HELB: variants seen among roughly 807,000 people sequenced by gnomAD.
The protein encoded by HELB is DNA 5'-3' helicase B.
Under a neutral mutation model 101.7 loss-of-function variants are expected in HELB, and 96 were observed. The observed-to-expected ratio is 0.94, with a 90% confidence interval of 0.80 to 1.12. The LOEUF (loss-of-function observed/expected upper bound fraction) is 1.12, where lower values mean the gene tolerates loss of function less well. Ranked by LOEUF, HELB falls within the 50% of genes most tolerant of loss-of-function variation. HELB has a pLI of 0.00. For missense variants in HELB, 1,210 were observed against 1,291.9 expected (o/e 0.94, Z 0.97); for synonymous variants, 437 against 459.7 (o/e 0.95, Z 0.63).
chr12:66,302,912 C>T, intron 1 of HELB, 122 bp downstream of exon 1: 3 of 742,500 alleles, frequency 4.0e-6, no homozygotes, highest in East Asian at 2.7e-5. Flanking sequence ...AGTGGTCTAG[C>T]TGCTTCATCC....
Position 66,309,811 on chromosome 12 carries a change from TTAA to T in HELB, c.888_890del (p.Ile296del). ...GATGACTGATTTGGAGAAGAATGCA[TTAA>T]TAATGTATTCCAGACTGAAGCAGAT... On this transcript the variant is annotated inframe_deletion, in exon 4 of 13. Coordinates refer to ENST00000247815, the MANE Select transcript of HELB (RefSeq NM_001370285.1). 2 of 1,614,072 alleles carry T rather than the reference TTAA, an allele frequency of 1.2e-6. No homozygotes were observed. Among genetic ancestry groups the T allele is most frequent in the South Asian group, 1.1e-5 (1 of 91,086 alleles).
chr12:66,333,328 G>A (rs1052998734), intron 12 of HELB, among the ~76,000 whole-genome samples: 1 of 152,150 alleles, frequency 6.6e-6, no homozygotes, highest in Admixed American at 6.5e-5. Context: ...CCAAGGAGCA[G>A]CATGGGGGCC....
chr12:66,325,114 T>C lies in HELB; in HGVS notation c.2658T>C (p.Ile886=). 1 of 1,604,036 alleles carries C rather than the reference T, an allele frequency of 6.2e-7. No homozygotes were observed. Among genetic ancestry groups the C allele is most frequent in the South Asian group, 1.1e-5 (1 of 90,402 alleles). The change falls in exon 11 of 13, where the codon ATT becomes ATC. Residue 886 remains isoleucine, a synonymous_variant. Transcript: ENST00000247815. ...CRIKHAWART[I]HTFQGSEEQT... is the part of the protein sequence containing the mutation. ...TAAAACATGCATGGGCAAGAACTAT[T>C]CACACTTTTCAGGTAAGAGGAGACT... is the stretch of plus-strand genomic sequence containing the variant.
At chr12:66,336,907 G>T (rs1211390832) in intron 12 of HELB, among the ~76,000 whole-genome samples, 1 of 152,198 alleles carries the variant, frequency 6.6e-6, no homozygotes, top group Non-Finnish European at 1.5e-5. Flanking sequence ...AGGTTTAGTG[G>T]ATGATGATGG....
At chr12:66,306,293 C>G in intron 2 of HELB, 52 bp from the exon 3 acceptor site, 1 of 1,342,034 alleles carries the variant, frequency 7.5e-7, no homozygotes. Flanking sequence ...TCAAATCAGT[C>G]ATTCTTTGGG....
At chr12:66,326,754 T>C (rs2053742812) in intron 11 of HELB, among the ~76,000 whole-genome samples, 1 of 150,382 alleles carries the variant, frequency 6.6e-6, no homozygotes, top group African/African-American at 2.4e-5. Context: ...AAAAAGGGTC[T>C]GGTGTGGTGG....
intron 1 of HELB, among the ~76,000 whole-genome samples, chr12:66,303,877 G>A (rs1010645941): frequency 1.3e-4 from 20 of 152,216 alleles, no homozygotes; most frequent in Admixed American, 2.6e-4. Flanking sequence ...CCATGATCAT[G>A]GCAGTGTTTT....
At chr12:66,303,524 T>G (rs989185950) in intron 1 of HELB, among the ~76,000 whole-genome samples, 1 of 152,038 alleles carries the variant, frequency 6.6e-6, no homozygotes, top group Non-Finnish European at 1.5e-5. Context: ...TCCTAGCTAC[T>G]TGGGAGGCCG....
At chr12:66,325,549 T>C (rs1391181715) in intron 11 of HELB, among the ~76,000 whole-genome samples, 1 of 152,216 alleles carries the variant, frequency 6.6e-6, no homozygotes, top group Non-Finnish European at 1.5e-5. Flanking sequence ...AATTTTGTAC[T>C]GGAGGTGAGT....
chr12:66,302,580 G>A lies in HELB; in HGVS notation c.-24G>A. 1 of 1,605,822 alleles carries A rather than the reference G, an allele frequency of 6.2e-7. No homozygotes were observed. The highest frequency in any genetic ancestry group is 8.5e-7 in the Non-Finnish European group (1 of 1,173,366). ...CAGTTAGCCAGGGTTTTCCCGAGTTGTTTGGGTTGAGTTCAGGAGAAGCAT... is the reference window on the plus strand; with the variant it reads ...CAGTTAGCCAGGGTTTTCCCGAGTTATTTGGGTTGAGTTCAGGAGAAGCAT... On this transcript the variant is annotated 5_prime_UTR_variant, in exon 1 of 13. Transcript: ENST00000247815.
At chr12:66,327,488 G>GT (rs915932699) in intron 11 of HELB, among the ~76,000 whole-genome samples, 6 of 151,754 alleles carry the variant, frequency 4.0e-5, no homozygotes, top group East Asian at 1.9e-4. Context: ...TTATAATCCA[G>GT]TTTTTTTTAA....
intron 12 of HELB, among the ~76,000 whole-genome samples, chr12:66,336,113 A>C (rs1381868181): frequency 6.6e-6 from 1 of 152,222 alleles, no homozygotes; most frequent in Admixed American, 6.5e-5. Context: ...TGAGTCATGA[A>C]TATATGGCGA....
At chr12:66,315,466 A>C in intron 6 of HELB, 83 bp downstream of exon 6, 1 of 998,210 alleles carries the variant, frequency 1.0e-6, no homozygotes. Context: ...ATGATTTAGT[A>C]CAATACATTA....
chr12:66,308,119 C>A (rs1391590926), intron 3 of HELB, among the ~76,000 whole-genome samples: 1 of 151,730 alleles, frequency 6.6e-6, no homozygotes, highest in Non-Finnish European at 1.5e-5. Context: ...TTAAGTGAAC[C>A]CCTGTTTAAG....
Position 66,331,324 on chromosome 12 carries a change from G to C in HELB, c.2841G>C (p.Leu947Phe). 1 of 1,614,194 alleles carries C rather than the reference G, an allele frequency of 6.2e-7. No homozygotes were observed. The highest frequency in any genetic ancestry group is 8.5e-7 in the Non-Finnish European group (1 of 1,180,032). The change falls in exon 12 of 13, where the codon TTG (leucine) becomes TTC (phenylalanine). Residue 947 changes from leucine to phenylalanine, a missense_variant. Leu to Phe is a conservative substitution (Grantham distance 22). Around this residue, in one of 2 missense-constraint regions of HELB, gnomAD observed 740 missense variants for 728.8 expected, o/e 1.02. Coordinates refer to ENST00000247815, the MANE Select transcript of HELB (RefSeq NM_001370285.1). The stretch of plus-strand genomic sequence containing the variant: ...ACAGTTTTCCTAGAAAAACTCGTTT[G>C]AAACATTTCTTGCAAAGTAAGCTCT... ...MKNSFPRKTR[L>F]KHFLQSKLSS...
At chr12:66,326,737 A>T (rs2053742537) in intron 11 of HELB, among the ~76,000 whole-genome samples, 1 of 149,706 alleles carries the variant, frequency 6.7e-6, no homozygotes, top group Non-Finnish European at 1.5e-5. Context: ...TTTTTTTTTT[A>T]AAGGTAAAAA....
intron 10 of HELB, among the ~76,000 whole-genome samples, chr12:66,324,709 A>G (rs904298041): frequency 3.3e-5 from 5 of 152,234 alleles, no homozygotes; most frequent in East Asian, 1.9e-4. Flanking sequence ...AAATGAATGT[A>G]TAGACTTCAA....
chr12:66,312,099 A>T (rs774195517), intron 4 of HELB, among the ~76,000 whole-genome samples: 1 of 152,200 alleles, frequency 6.6e-6, no homozygotes, highest in Non-Finnish European at 1.5e-5. Flanking sequence ...TAAAGTTAGT[A>T]AAGTATTTTG....
chr12:66,311,917 C>T (rs773092138), intron 4 of HELB, among the ~76,000 whole-genome samples: 1 of 152,092 alleles, frequency 6.6e-6, no homozygotes, highest in Admixed American at 6.5e-5. Flanking sequence ...AACATGGAGA[C>T]TCAGGTGAGG....
Sources: gnomAD v4.1 joint callset for allele counts (sites outside exome capture counted in the v4.1 genomes callset) on GRCh38, gnomAD v4.1.1 for gene constraint, gnomAD v4.1.1 regional missense constraint, MANE v1.5 for transcripts, NCBI Gene and HGNC (gene_info 2026-07-23, HGNC 2026-07-21) for gene names.